Variants in RS1 observed in about 807,000 individuals in gnomAD.
RS1 encodes retinoschisin.
In RS1, 2 loss-of-function variants were observed where a neutral mutation model predicts 20.8. The ratio of observed to expected loss-of-function variants is 0.10; its 90% CI spans 0.04 to 0.30. The LOEUF is 0.30. RS1 is among the 10% of genes least tolerant of loss of function. The probability of loss-of-function intolerance (pLI) is 1.00; values close to 1 mark genes in which losing one functional copy is unlikely to be tolerated. For synonymous variants in RS1, 70 were observed against 75.8 expected, an observed-to-expected ratio of 0.92 and a Z score of 0.40; for missense variants, 151 against 189.8, an observed-to-expected ratio of 0.80 and a Z score of 1.20.
intron 3 of RS1, among the ~76,000 whole-genome samples, chrX:18,650,956 C>T (rs757199144): frequency 3.6e-5 from 4 of 112,026 alleles, no homozygotes; most frequent in Admixed American, 1.9e-4. Context: ...TAGAGCACAG[C>T]GTCTTGCCAA....
intron 3 of RS1, among the ~76,000 whole-genome samples, chrX:18,648,141 T>G (rs781544130): frequency 2.7e-4 from 30 of 111,370 alleles, no homozygotes; most frequent in Non-Finnish European, 3.8e-4. Flanking sequence ...GGCAGAGGTT[T>G]CAGTGAGCCG....
intron 3 of RS1, chrX:18,650,104 C>G: frequency 5.6e-6 from 2 of 359,145 alleles, no homozygotes; most frequent in Non-Finnish European, 1.0e-5. Flanking sequence ...TCTGTTTCCC[C>G]TTCACATCTC....
chrX:18,659,415 G>A (rs781240357), intron 1 of RS1, among the ~76,000 whole-genome samples: 12 of 111,027 alleles, frequency 1.1e-4, no homozygotes, highest in Non-Finnish European at 2.1e-4. Context: ...GCAGTGAGCC[G>A]ATATTGCACC....
intron 3 of RS1, among the ~76,000 whole-genome samples, chrX:18,649,217 G>A (rs1927925004): frequency 9.1e-6 from 1 of 110,381 alleles, no homozygotes; most frequent in Non-Finnish European, 1.9e-5. Context: ...AATTTCTACA[G>A]AAAACAAATG....
In RS1 at chrX:18,641,851, A is replaced by G. The variant is rs912502426; in HGVS notation, c.*153T>C. 2.0e-5 allele frequency: 10 copies of G among 496,427 alleles called. No homozygotes were observed. The highest frequency in any genetic ancestry group is 3.6e-5 in the Admixed American group (1 of 27,583). The allele number at this position is 496,427 out of a possible 1,213,427, so 40.9% of individuals were successfully genotyped here. ...TTTATTTCATTGAAATCAGAAAGCT[A>G]TATCTTAAAAAAAAAAAAATTATCT... is the stretch of plus-strand genomic sequence containing the variant. On this transcript the variant is annotated 3_prime_UTR_variant, in exon 6 of 6. Transcript: ENST00000379984.
At chrX:18,671,132 C>T (rs1928485629) in intron 1 of RS1, among the ~76,000 whole-genome samples, 1 of 112,009 alleles carries the variant, frequency 8.9e-6, no homozygotes, top group South Asian at 3.7e-4. Flanking sequence ...TCTGATTCTA[C>T]TTGTGTGAGT....
chrX:18,653,731 G>A, intron 3 of RS1: 1 of 553,460 alleles, frequency 1.8e-6, no homozygotes, highest in Admixed American at 3.1e-5. Flanking sequence ...CACTTTGGGA[G>A]GCCGAGCAGG....
intron 1 of RS1, among the ~76,000 whole-genome samples, chrX:18,664,533 C>A (rs942560884): frequency 9.1e-6 from 1 of 110,083 alleles, no homozygotes; most frequent in African/African-American, 3.3e-5. Context: ...GAGGCTGAGG[C>A]GGGATAATCA....
chrX:18,648,959 G>T (rs1436439936), intron 3 of RS1, among the ~76,000 whole-genome samples: 1 of 106,423 alleles, frequency 9.4e-6, no homozygotes, highest in African/African-American at 3.4e-5. Flanking sequence ...GAGGGAGGAG[G>T]ATTGCTTGAG....
rs6633107 is a variant in RS1, at chrX:18,647,482, T to G, written c.185-150A>C. On this transcript the variant is annotated intron_variant, in intron 3 of 5. Coordinates refer to ENST00000379984, the MANE Select transcript of RS1 (RefSeq NM_000330.4). ...CTGTGGTTCACAATGGGTACAGCTG[T>G]GTCTTCAACGGTTCACTACTCACGC... 0.032 allele frequency: 17,532 copies of G among 540,562 alleles called. 1,488 individuals are homozygous for G. The highest frequency in any genetic ancestry group is 0.3 in the African/African-American group (12,849 of 43,222). 44.5% of individuals were successfully genotyped at this position (540,562 alleles called of 1,213,427 possible).
Position 18,647,336 on chromosome X carries a change from G to A in RS1, c.185-4C>T, listed in dbSNP as rs1470538111. On this transcript the variant is annotated splice_polypyrimidine_tract_variant and splice_region_variant and intron_variant, in intron 3 of 5. Transcript: ENST00000379984. The stretch of plus-strand genomic sequence containing the variant: ...AGAGGCTTGTGATATGGGCATTCTG[G>A]GAAAGGAAAAAGAATTCACATTCAC... 1 of 1,209,947 alleles carries A rather than the reference G, an allele frequency of 8.3e-7. No homozygotes were observed. Among genetic ancestry groups the A allele is most frequent in the South Asian group, 1.8e-5 (1 of 56,892 alleles).
intron 1 of RS1, 61 bp from the exon 2 acceptor site, chrX:18,657,726 A>C: frequency 1.1e-6 from 1 of 925,078 alleles, no homozygotes; most frequent in Non-Finnish European, 1.6e-6. Context: ...CAACAGCATC[A>C]CTCGTTACAT....
At chrX:18,662,039 T>A (rs1051753511) in intron 1 of RS1, among the ~76,000 whole-genome samples, 5 of 110,695 alleles carry the variant, frequency 4.5e-5, no homozygotes, top group Non-Finnish European at 9.5e-5. Flanking sequence ...GCTGCCCCCC[T>A]CCAGTATCAC....
At chrX:18,666,639 C>A (rs1272496041) in intron 1 of RS1, among the ~76,000 whole-genome samples, 1 of 111,479 alleles carries the variant, frequency 9.0e-6, no homozygotes, top group Non-Finnish European at 1.9e-5. Flanking sequence ...GCAAGTGTGG[C>A]AACAGGGTCC....
At position 18,667,817 on chromosome X, in the gene RS1, G is replaced by A. The variant is rs776672297; in HGVS notation, c.52+4200C>T. Among the ~76,000 whole-genome samples the A allele has an allele frequency of 6.3e-5, 7 of 111,499 alleles. No homozygotes were observed. The East Asian group carries it at 1.7e-3, about 27-fold the overall frequency. ...TTTCTTCCCAGACTCCCCTCCCGCA[G>A]AAAGCATTTGTCTGTAGACAGCCTG... is the stretch of plus-strand genomic sequence containing the variant. On this transcript the variant is annotated intron_variant, in intron 1 of 5. Transcript: ENST00000379984.
intron 3 of RS1, chrX:18,653,382 A>G: frequency 8.3e-7 from 1 of 1,198,427 alleles, no homozygotes; most frequent in Non-Finnish European, 1.1e-6. Context: ...TGCACCTGCT[A>G]GCGCTCCTGG....
intron 1 of RS1, among the ~76,000 whole-genome samples, chrX:18,667,806 C>A (rs2147207857): frequency 9.0e-6 from 1 of 111,456 alleles, no homozygotes; most frequent in African/African-American, 3.3e-5. Context: ...TTCCCAGACT[C>A]CCCTCCCGCA....
At chrX:18,658,055 A>G (rs1376132380) in intron 1 of RS1, among the ~76,000 whole-genome samples, 2 of 111,285 alleles carry the variant, frequency 1.8e-5, no homozygotes, top group African/African-American at 6.5e-5. Context: ...CTGTAATCCC[A>G]GCTACTCAGG....
chrX:18,649,053 A>G (rs1477257169), intron 3 of RS1, among the ~76,000 whole-genome samples: 1 of 109,140 alleles, frequency 9.2e-6, no homozygotes, highest in Non-Finnish European at 1.9e-5. Flanking sequence ...AAAAAAAAAA[A>G]AAAAAAGAAA....
Sources: allele counts gnomAD v4.1 joint callset (sites outside exome capture counted in the v4.1 genomes callset), GRCh38; gene constraint gnomAD v4.1.1; transcripts MANE v1.5; gene names NCBI Gene and HGNC (gene_info 2026-07-23, HGNC 2026-07-21).